Variants in SPATA9 observed in about 807,000 individuals in gnomAD.
The protein encoded by SPATA9 is spermatogenesis-associated protein 9.
SPATA9 carries 27 observed loss-of-function variants against 25.5 expected under a neutral mutation model. That is an observed-to-expected ratio of 1.06 (90% CI 0.78 to 1.46). The LOEUF is 1.46. Ranked by LOEUF, SPATA9 falls within the 40% of genes most tolerant of loss-of-function variation. The pLI, the probability that SPATA9 is intolerant of heterozygous loss-of-function variation, is 0.00. For synonymous variants in SPATA9, 102 were observed against 105.7 expected, an observed-to-expected ratio of 0.97 and a Z score of 0.21; for missense variants, 282 against 297.5, an observed-to-expected ratio of 0.95 and a Z score of 0.38.
At chr5:95,678,635 A>G (rs11959023) in intron 2 of SPATA9, among the ~76,000 whole-genome samples, 2,492 of 152,296 alleles carry the variant, frequency 0.016, 69 homozygotes, top group African/African-American at 0.057. Flanking sequence ...CACAAAATTT[A>G]GAATTTTAAG....
the SPATA9 span, among the ~76,000 whole-genome samples, chr5:95,729,336 T>G: frequency 2.6e-5 from 4 of 152,178 alleles, no homozygotes; most frequent in Non-Finnish European, 5.9e-5. Flanking sequence ...TGGGATCTCC[T>G]ATGCCTACCC....
At chr5:95,668,961 ACT>A (rs1485323383) in intron 3 of SPATA9, among the ~76,000 whole-genome samples, 3 of 152,166 alleles carry the variant, frequency 2.0e-5, no homozygotes, top group South Asian at 2.1e-4. Context: ...GGAAGTTCTA[ACT>A]CTCAGACAAA....
At chr5:95,704,950 T>TA in the SPATA9 span, among the ~76,000 whole-genome samples, 4 of 142,898 alleles carry the variant, frequency 2.8e-5, no homozygotes, top group African/African-American at 1.0e-4. Context: ...ATAGAGTACT[T>TA]TTTTTTTTTT....
chr5:95,656,126 G>C, downstream of SPATA9: 2 of 1,613,770 alleles, frequency 1.2e-6, no homozygotes, highest in Non-Finnish European at 1.7e-6. Flanking sequence ...GTCTGTACCA[G>C]TCTATAAACC....
At chr5:95,708,566 G>A in the SPATA9 span, 185 of 695,914 alleles carry the variant, frequency 2.7e-4, no homozygotes, top group Non-Finnish European at 4.2e-4. Flanking sequence ...TAAGTATCTC[G>A]ACAGCTAGCG....
chr5:95,686,283 G>A (rs766464887), upstream of SPATA9, among the ~76,000 whole-genome samples: 10 of 151,996 alleles, frequency 6.6e-5, no homozygotes, highest in Non-Finnish European at 1.0e-4. Flanking sequence ...TGTTCATTAC[G>A]TTTGTAAGAT....
the SPATA9 span, among the ~76,000 whole-genome samples, chr5:95,716,665 T>C: frequency 6.6e-6 from 1 of 152,154 alleles, no homozygotes; most frequent in Non-Finnish European, 1.5e-5. Flanking sequence ...GAAGGCATGA[T>C]TGGCGTTGAA....
intron 1 of SPATA9, among the ~76,000 whole-genome samples, chr5:95,693,631 G>T (rs947272463): frequency 2.0e-5 from 3 of 152,168 alleles, no homozygotes; most frequent in African/African-American, 4.8e-5. Context: ...ATGAATGTTT[G>T]ATACCTGCAT....
chr5:95,711,495 C>T, the SPATA9 span, among the ~76,000 whole-genome samples: 2 of 152,012 alleles, frequency 1.3e-5, no homozygotes, highest in Admixed American at 1.3e-4. Flanking sequence ...GGGGGCTGAG[C>T]GCTCATCACC....
chr5:95,731,341 G>A, the SPATA9 span: 4 of 1,112,990 alleles, frequency 3.6e-6, no homozygotes, highest in Non-Finnish European at 4.4e-6. Context: ...GCGGCAGCAG[G>A]AGGCGACAGC....
At chr5:95,671,821 A>C (rs1271066577) in intron 3 of SPATA9, among the ~76,000 whole-genome samples, 1 of 152,166 alleles carries the variant, frequency 6.6e-6, no homozygotes, top group African/African-American at 2.4e-5. Flanking sequence ...CTGGTTCCAT[A>C]CACATGGCAG....
intron 4 of SPATA9, chr5:95,659,761 C>T (rs1751088291): frequency 6.6e-6 from 1 of 152,264 alleles, no homozygotes; most frequent in African/African-American, 2.4e-5. Flanking sequence ...CTCCTTCTTG[C>T]CTGCCTCTTG....
the SPATA9 span, among the ~76,000 whole-genome samples, chr5:95,704,948 C>CT: frequency 5.7e-3 from 807 of 142,180 alleles, 5 homozygotes; most frequent in African/African-American, 0.016. Context: ...GGATAGAGTA[C>CT]TTTTTTTTTT....
At chr5:95,731,454 A>C in the SPATA9 span, 1 of 1,212,810 alleles carries the variant, frequency 8.2e-7, no homozygotes, top group Non-Finnish European at 1.0e-6. Context: ...GCACTCCCTG[A>C]GTAGCGGCAG....
downstream of SPATA9, chr5:95,654,236 C>T (rs201431511): frequency 2.4e-5 from 39 of 1,610,844 alleles, no homozygotes; most frequent in African/African-American, 1.2e-4. Flanking sequence ...TCGCTGTTAC[C>T]GTAAGATTTT....
chr5:95,677,341 A>G (rs1033072422), intron 2 of SPATA9, among the ~76,000 whole-genome samples: 1 of 152,236 alleles, frequency 6.6e-6, no homozygotes, highest in Admixed American at 6.5e-5. Flanking sequence ...AGAATGAATG[A>G]TTGAAGAGTA....
downstream of SPATA9, chr5:95,653,360 A>G (rs746823908): frequency 8.5e-7 from 1 of 1,171,404 alleles, no homozygotes; most frequent in Non-Finnish European, 1.2e-6. Flanking sequence ...CAGACAATCA[A>G]AGAATCCTGC....
At chr5:95,709,561 C>A in the SPATA9 span, among the ~76,000 whole-genome samples, 4 of 152,262 alleles carry the variant, frequency 2.6e-5, no homozygotes, top group East Asian at 1.9e-4. Context: ...ACTGACCCAC[C>A]GAGCTATGGA....
At chr5:95,730,007 A>G in the SPATA9 span, among the ~76,000 whole-genome samples, 1 of 152,148 alleles carries the variant, frequency 6.6e-6, no homozygotes, top group Non-Finnish European at 1.5e-5. Flanking sequence ...GTGATCTTGC[A>G]TGCTGGAATT....
Sources: allele counts gnomAD v4.1 joint callset (sites outside exome capture counted in the v4.1 genomes callset), GRCh38; gene constraint gnomAD v4.1.1; transcripts MANE v1.5; gene names NCBI Gene and HGNC (gene_info 2026-07-23, HGNC 2026-07-21).